Variants in LRRC47 observed in about 807,000 individuals in gnomAD.
LRRC47 encodes leucine-rich repeat-containing protein 47.
A neutral mutation model predicts 40.9 loss-of-function variants in LRRC47; 31 were observed. The ratio of observed to expected loss-of-function variants is 0.76; its 90% confidence interval spans 0.57 to 1.02. LRRC47 has a LOEUF of 1.02. LRRC47 is among the 50% of genes least tolerant of loss of function. The probability of loss-of-function intolerance (pLI) is 0.00; values close to 1 mark genes in which losing one functional copy is unlikely to be tolerated. For missense variants in LRRC47, 726 were observed against 796.1 expected (o/e 0.91, Z 1.06); for synonymous variants, 427 against 371.9 (o/e 1.15, Z -1.70).
intron 1 of LRRC47, among the ~76,000 whole-genome samples, chr1:3,789,130 C>T (rs1420124356): frequency 6.6e-6 from 1 of 152,264 alleles, no homozygotes; most frequent in Admixed American, 6.5e-5. Context: ...TACCAGGAGC[C>T]GTATCACCAA....
At chr1:3,790,801 G>A (rs1643620351) in intron 1 of LRRC47, among the ~76,000 whole-genome samples, 1 of 152,222 alleles carries the variant, frequency 6.6e-6, no homozygotes, top group African/African-American at 2.4e-5. Flanking sequence ...GTGCTCCCTG[G>A]GGAATGGCTG....
chr1:3,796,202 C>A lies in LRRC47; in HGVS notation c.275G>T (p.Ser92Ile). 1 of 1,434,132 alleles carries A rather than the reference C, an allele frequency of 7.0e-7. No homozygotes were observed. The highest frequency in any genetic ancestry group is 2.9e-5 in the Admixed American group (1 of 34,994). 88.8% of individuals were successfully genotyped at this position (1,434,132 alleles called of 1,614,324 possible). The part of the protein sequence containing the change: ...LRRNALGPGL[S>I]PELGPLPALR... ...GGCAGGCAGCGGCCCGAGCTCGGGG[C>A]TCAGGCCGGGCCCCAGCGCGTTGCG... is the stretch of plus-strand genomic sequence containing the variant. Residue 92 changes from serine to isoleucine, a missense_variant, in exon 1 of 7, where the codon AGC becomes ATC. Ser to Ile is a moderately radical substitution (Grantham distance 142, BLOSUM62 -2). Coordinates refer to ENST00000378251, the MANE Select transcript of LRRC47 (RefSeq NM_020710.3).
At chr1:3,793,849 C>T (rs1243476730) in intron 1 of LRRC47, among the ~76,000 whole-genome samples, 2 of 152,162 alleles carry the variant, frequency 1.3e-5, no homozygotes, top group Admixed American at 1.3e-4. Context: ...CCTCCCCTTT[C>T]CCCAAACTAT....
At position 3,785,222 on chromosome 1, in the gene LRRC47, G is replaced by A. The variant is rs1643560903; in HGVS notation, c.1078-19C>T. On this transcript the variant is annotated intron_variant, in intron 2 of 6. Transcript: ENST00000378251. ...GCTTGGTCTGTAACACAGAAGCAGT[G>A]ATGAGCAAGGTCTCTTGTGCCCTGA... is the stretch of plus-strand genomic sequence containing the variant. 1 of 1,499,062 alleles carries A rather than the reference G, an allele frequency of 6.7e-7. No individual in the cohort carries two copies. The highest frequency in any genetic ancestry group is 9.0e-7 in the Non-Finnish European group (1 of 1,116,080). 92.9% of individuals were successfully genotyped at this position (1,499,062 alleles called of 1,614,324 possible).
intron 1 of LRRC47, among the ~76,000 whole-genome samples, chr1:3,787,842 C>G (rs1643590841): frequency 6.6e-6 from 1 of 152,214 alleles, no homozygotes; most frequent in African/African-American, 2.4e-5. Flanking sequence ...CAGTGACACA[C>G]AGAGTGCTCT....
chr1:3,795,707 T>C (rs1643666858), intron 1 of LRRC47, among the ~76,000 whole-genome samples, 155 bp downstream of exon 1: 1 of 152,220 alleles, frequency 6.6e-6, no homozygotes, highest in Non-Finnish European at 1.5e-5. Flanking sequence ...CCAGGGGTGA[T>C]GCCCCCCGCA....
At chr1:3,792,464 C>CCTTT (rs1553156863) in intron 1 of LRRC47, among the ~76,000 whole-genome samples, 1 of 142,418 alleles carries the variant, frequency 7.0e-6, no homozygotes, top group South Asian at 2.2e-4. Flanking sequence ...TGGACGCACA[C>CCTTT]TTTTTTTTTT....
chr1:3,781,184 C>A lies in LRRC47; in HGVS notation c.1656G>T (p.Gln552His). Residue 552 changes from glutamine (Q) to histidine (H), a missense_variant, in exon 7 of 7, where the codon CAG becomes CAT. Physicochemically the swap from Gln to His is conservative, Grantham distance 24. Coordinates refer to ENST00000378251, the MANE Select transcript of LRRC47 (RefSeq NM_020710.3). ...TCCCTTCCAGATCCACCACCCGGAC[C>A]TGCTCCACCACCAGAAGGGAGGGCC... Reference protein sequence around the residue: ...KDGPSLLVVEQVRVVDLEGSL... With the variant: ...KDGPSLLVVEHVRVVDLEGSL... The A allele has an allele frequency of 6.2e-7, 1 of 1,614,180 alleles. No individual in the cohort carries two copies. Among genetic ancestry groups the A allele is most frequent in the Non-Finnish European group, 8.5e-7 (1 of 1,180,028 alleles).
chr1:3,785,300 C>G, intron 2 of LRRC47, 97 bp from the exon 3 acceptor site: 1 of 833,490 alleles, frequency 1.2e-6, no homozygotes, highest in Non-Finnish European at 1.7e-6. Context: ...TGCCAGGAAA[C>G]CCTCCCGGTC....
chr1:3,783,848 A>G (rs1456075694), intron 4 of LRRC47, 148 bp downstream of exon 4: 3 of 645,108 alleles, frequency 4.7e-6, no homozygotes, highest in East Asian at 5.5e-5. Flanking sequence ...TCTCCTTTGG[A>G]AAGAGAATGC....
In LRRC47 at chr1:3,781,734, CT is replaced by C. The variant is rs1643522545; in HGVS notation, c.1414-134del. The stretch of plus-strand genomic sequence containing the variant: ...GTGGCTCACACCTGTAAATCCAGCA[CT>C]TTGGGAGGTTGATGTGGGAGGATTG... On this transcript the variant is annotated intron_variant, in intron 5 of 6. Transcript: ENST00000378251. 8.3e-6 allele frequency: 6 copies of C among 726,306 alleles called. No individual in the cohort carries two copies. The East Asian group carries it at 1.6e-4, about 20-fold the overall frequency. 45.0% of individuals were successfully genotyped at this position (726,306 alleles called of 1,614,324 possible). A position where few individuals can be genotyped will look rare whatever the true frequency, so the allele number is the denominator to read the frequency against.
At position 3,796,005 on chromosome 1, in the gene LRRC47, G is replaced by A. The variant is rs757142410; in HGVS notation, c.472C>T (p.Leu158Phe). ...TCTAGGCAATTGCCGGTGAGGTTGA[G>A]GCTCTGCAGGCGCGGGGCGCAGCGC... Reference protein sequence around the residue: ...LARCAPRLQSLNLTGNCLDSF... With the variant: ...LARCAPRLQSFNLTGNCLDSF... Residue 158 changes from leucine (L) to phenylalanine (F), a missense_variant, in exon 1 of 7, where the codon CTC (leucine) becomes TTC (phenylalanine). Coordinates refer to ENST00000378251, the MANE Select transcript of LRRC47 (RefSeq NM_020710.3). 2.6e-6 allele frequency: 4 copies of A among 1,560,406 alleles called. No homozygotes were observed. The highest frequency in any genetic ancestry group is 3.5e-6 in the Non-Finnish European group (4 of 1,154,268).
intron 1 of LRRC47, among the ~76,000 whole-genome samples, chr1:3,791,033 G>A (rs999509928): frequency 3.2e-4 from 49 of 152,336 alleles, no homozygotes; most frequent in Admixed American, 2.9e-3. Context: ...AGGGCTGGCA[G>A]CTGCTGCTTT....
At position 3,787,130 on chromosome 1, in the gene LRRC47, C is replaced by T. The variant is rs769664203; in HGVS notation, c.796G>A (p.Gly266Arg). The change falls in exon 2 of 7, where the codon GGG becomes AGG. Residue 266 changes from glycine (G) to arginine (R), a missense_variant. Transcript: ENST00000378251. ...CCCTCGGCACGGCCCTTGCCCTTCCCGCCACCACGGCCTCCGACGCGCAGG... is the reference window on the plus strand; with the variant it reads ...CCCTCGGCACGGCCCTTGCCCTTCCTGCCACCACGGCCTCCGACGCGCAGG... ...EYLRVGGRGG[G>R]KGKGRAEGSE... is the part of the protein sequence containing the mutation. 11 of 1,613,724 alleles carry T rather than the reference C, an allele frequency of 6.8e-6. No individual in the cohort carries two copies. The highest frequency in any genetic ancestry group is 1.3e-5 in the African/African-American group (1 of 74,928).
intron 1 of LRRC47, among the ~76,000 whole-genome samples, chr1:3,793,795 T>C (rs946017580): frequency 2.0e-5 from 3 of 152,078 alleles, no homozygotes; most frequent in African/African-American, 4.8e-5. Context: ...ACCCCTATGA[T>C]TGCACCTCAA....
chr1:3,780,974 C>CA lies in LRRC47; in HGVS notation c.*113dup, dbSNP rs35582128. The stretch of plus-strand genomic sequence containing the variant: ...CTGGCGACAGAGCGAGACTCCATCT[C>CA]AAAAAAAAAAACCAACAAAAAAACT... On this transcript the variant is annotated 3_prime_UTR_variant, in exon 7 of 7. Transcript: ENST00000378251. The CA allele has an allele frequency of 0.2, 209,456 of 1,024,912 alleles. 2,074 individuals are homozygous for CA. Among genetic ancestry groups the CA allele is most frequent in the Middle Eastern group, 0.23 (588 of 2,610 alleles). The allele number at this position is 1,024,912 out of a possible 1,614,324, so 63.5% of individuals were successfully genotyped here. A position where few individuals can be genotyped will look rare whatever the true frequency, so the allele number is the denominator to read the frequency against.
intron 4 of LRRC47, chr1:3,782,972 C>T (rs557345432): frequency 1.4e-5 from 8 of 580,698 alleles, no homozygotes; most frequent in Non-Finnish European, 2.5e-5. Context: ...GGAGGACCAC[C>T]AGGCTGCCTA....
chr1:3,793,615 G>A (rs9424285), intron 1 of LRRC47, among the ~76,000 whole-genome samples: 17,236 of 152,166 alleles, frequency 0.11, 1,655 homozygotes, highest in East Asian at 0.5. Flanking sequence ...GACTTCCCCA[G>A]TGACTCCTGC....
intron 1 of LRRC47, among the ~76,000 whole-genome samples, chr1:3,795,302 G>A (rs1026356331): frequency 3.9e-5 from 6 of 152,144 alleles, no homozygotes; most frequent in African/African-American, 9.7e-5. Flanking sequence ...AACAGACGCT[G>A]GACAATATAG....
Sources: allele counts gnomAD v4.1 joint callset (sites outside exome capture counted in the v4.1 genomes callset), GRCh38; gene constraint gnomAD v4.1.1; transcripts MANE v1.5; gene names NCBI Gene and HGNC (gene_info 2026-07-23, HGNC 2026-07-21).